The following LMLN variants were observed in gnomAD, a reference collection of about 807,000 sequenced individuals.
LMLN encodes leishmanolysin like peptidase, also known as leishmanolysin-like peptidase.
Under a neutral mutation model 92.3 loss-of-function variants are expected in LMLN, and 70 were observed. The observed-to-expected ratio is 0.76, with a 90% CI of 0.63 to 0.92. The LOEUF is 0.92. Among genes scored for constraint, LMLN ranks in the 40% least tolerant of loss-of-function variants. LMLN has a pLI of 0.00. For missense variants in LMLN, 691 were observed against 814.6 expected, an observed-to-expected ratio of 0.85 and a Z score of 1.85; for synonymous variants, 308 against 296.2, an observed-to-expected ratio of 1.04 and a Z score of -0.41.
chr3:197,994,025 A>C (rs192325598), intron 9 of LMLN, among the ~76,000 whole-genome samples: 1 of 152,198 alleles, frequency 6.6e-6, no homozygotes, highest in African/African-American at 2.4e-5. Flanking sequence ...AATGGGAAAA[A>C]GTCTCTTCAA....
intron 11 of LMLN, among the ~76,000 whole-genome samples, chr3:198,014,069 CCTAA>C (rs1210282614): frequency 2.7e-5 from 4 of 146,606 alleles, no homozygotes; most frequent in African/African-American, 1.1e-4. Context: ...TTCAGAGCCT[CCTAA>C]CTAGTCTGAC....
intron 14 of LMLN, among the ~76,000 whole-genome samples, chr3:198,035,387 G>A (rs1260394812): frequency 9.0e-6 from 1 of 111,130 alleles, no homozygotes; most frequent in African/African-American, 4.4e-5. Context: ...TTTTTGACAC[G>A]GAGTCTCGCT....
At chr3:198,038,905 TCAGCAACCCAACCACCTCGTCAG>T (rs1723313799) in exon 16 of LMLN, 2 of 354,046 alleles carry the variant, frequency 5.6e-6, no homozygotes, top group African/African-American at 8.5e-5. Flanking sequence ...AACCACCTCG[TCAGCAACCCAACCACCTCGTCAG>T]CAACCCAACC....
At chr3:197,969,097 T>G (rs1243429860) in intron 1 of LMLN, among the ~76,000 whole-genome samples, 1 of 151,976 alleles carries the variant, frequency 6.6e-6, no homozygotes, top group Non-Finnish European at 1.5e-5. Flanking sequence ...CTTTTTTTTT[T>G]TTGAGATAGG....
exon 16 of LMLN, chr3:198,043,623 A>C (rs556867703): frequency 6.5e-6 from 1 of 152,778 alleles, no homozygotes; most frequent in Non-Finnish European, 1.5e-5. Context: ...ATTTTTAATA[A>C]GTAAAATAGA....
Position 197,982,417 on chromosome 3 carries a change from G to A in LMLN, c.729-1526G>A, listed in dbSNP as rs146266628. Among the ~76,000 whole-genome samples the A allele has an allele frequency of 4.5e-3, 679 of 151,854 alleles. 2 individuals carry two copies. Among genetic ancestry groups the A allele is most frequent in the African/African-American group, 0.016 (657 of 41,426 alleles). ...ATTTTTGTATTTTTAGTAGAGACAA[G>A]GTTTTGCCATGTTGGTCAGGCTGGT... On this transcript the variant is annotated intron_variant, in intron 6 of 15. Coordinates refer to ENST00000330198, the Ensembl canonical transcript of LMLN.
chr3:197,963,613 G>A (rs1412472592), intron 1 of LMLN, among the ~76,000 whole-genome samples: 1 of 152,204 alleles, frequency 6.6e-6, no homozygotes, highest in African/African-American at 2.4e-5. Context: ...TACACTGCTA[G>A]TAGGTAGAAA....
rs1290105504 is a variant in LMLN at position 198,003,063 on chromosome 3, A to C, written c.1232+3721A>C. On this transcript the variant is annotated intron_variant, in intron 11 of 15. Transcript: ENST00000330198. ...TGGCTGAGAAGTTAGACTGGGGCCG[A>C]GGAATGGGCTGTGACTTTGTCAGGA... The C allele has an allele frequency of 4.5e-6, 7 of 1,551,632 alleles. No individual in the cohort carries two copies. In the East Asian group the frequency reaches 1.5e-4, roughly 33 times the overall value.
chr3:198,036,773 T>C (rs546617432), intron 15 of LMLN, among the ~76,000 whole-genome samples: 236 of 152,352 alleles, frequency 1.5e-3, no homozygotes, highest in African/African-American at 5.4e-3. Context: ...ATTCATCAAT[T>C]CACAATTAAA....
At chr3:197,985,710 T>C in intron 7 of LMLN, 86 bp from the exon 8 acceptor site, 3 of 817,122 alleles carry the variant, frequency 3.7e-6, no homozygotes, top group Non-Finnish European at 6.1e-6. Context: ...TACGTTCCCG[T>C]TAGTATCAGT....
intron 13 of LMLN, among the ~76,000 whole-genome samples, chr3:198,021,850 T>C (rs1288074254): frequency 1.3e-5 from 2 of 152,240 alleles, no homozygotes; most frequent in Non-Finnish European, 2.9e-5. Flanking sequence ...CTTACAATTG[T>C]GCCTGACCCA....
intron 11 of LMLN, among the ~76,000 whole-genome samples, chr3:198,011,873 A>G (rs1581167016): frequency 1.3e-5 from 2 of 152,206 alleles, no homozygotes; most frequent in South Asian, 2.1e-4. Flanking sequence ...AAATTGACAA[A>G]TGGGATCTAA....
At chr3:198,015,244 T>C (rs1271041080) in intron 11 of LMLN, among the ~76,000 whole-genome samples, 1 of 128,872 alleles carries the variant, frequency 7.8e-6, no homozygotes, top group Non-Finnish European at 1.7e-5. Flanking sequence ...CTCTCCACCC[T>C]TCAGAGCCCC....
chr3:198,010,642 G>T lies in LMLN; in HGVS notation c.1233-8611G>T, dbSNP rs114827357. ...AATTTTTGTATTTTTGTAGAGACAG[G>T]GTTTCACTGTATTGCTCAGGCTAGT... On this transcript the variant is annotated intron_variant, in intron 11 of 15. Transcript: ENST00000330198. Among the ~76,000 whole-genome samples the T allele has an allele frequency of 4.9e-3, 744 of 151,988 alleles. 7 individuals are homozygous for T. Among genetic ancestry groups the T allele is most frequent in the African/African-American group, 0.017 (713 of 41,432 alleles).
intron 15 of LMLN, among the ~76,000 whole-genome samples, chr3:198,038,164 C>T (rs1251312907): frequency 1.3e-5 from 2 of 152,176 alleles, no homozygotes; most frequent in African/African-American, 4.8e-5. Flanking sequence ...ATTAATAGTA[C>T]TCACCCTTGC....
intron 4 of LMLN, 54 bp from the exon 5 acceptor site, chr3:197,976,544 C>A: frequency 1.0e-6 from 1 of 995,684 alleles, no homozygotes; most frequent in South Asian, 1.6e-5. Flanking sequence ...TTTTTAACTG[C>A]TATAAAATAT....
chr3:197,971,268 A>G (rs1721215821), intron 1 of LMLN, among the ~76,000 whole-genome samples: 1 of 152,198 alleles, frequency 6.6e-6, no homozygotes, highest in South Asian at 2.1e-4. Flanking sequence ...ACTTACAATC[A>G]TGGTGGAAGA....
intron 7 of LMLN, among the ~76,000 whole-genome samples, chr3:197,985,073 C>T (rs1390000758): frequency 5.9e-5 from 9 of 152,244 alleles, no homozygotes; most frequent in Non-Finnish European, 1.2e-4. Flanking sequence ...AGGAAAGTGT[C>T]AGCTAAATAT....
intron 1 of LMLN, among the ~76,000 whole-genome samples, chr3:197,970,419 A>G (rs1450103111): frequency 6.6e-6 from 1 of 152,204 alleles, no homozygotes; most frequent in African/African-American, 2.4e-5. Context: ...GAAAAGGATC[A>G]TGGGACAAAG....
Sources: gnomAD v4.1 joint callset for allele counts (sites outside exome capture counted in the v4.1 genomes callset) on GRCh38, gnomAD v4.1.1 for gene constraint, MANE v1.5 for transcripts, NCBI Gene and HGNC (gene_info 2026-07-23, HGNC 2026-07-21) for gene names.